The following SLC2A8 variants were observed in gnomAD, a reference collection of about 807,000 sequenced individuals.
The protein encoded by SLC2A8 is solute carrier family 2, facilitated glucose transporter member 8.
SLC2A8 carries 53 observed loss-of-function variants against 49.2 expected under a neutral mutation model. The ratio of observed to expected loss-of-function variants is 1.08; its 90% CI spans 0.86 to 1.35. SLC2A8 has a LOEUF of 1.35. Among genes scored for constraint, SLC2A8 ranks in the 40% most tolerant of loss-of-function variants. SLC2A8 has a pLI of 0.00. For synonymous variants in SLC2A8, 299 were observed against 297.0 expected, an observed-to-expected ratio of 1.01 and a Z score of -0.07; for missense variants, 688 against 671.7, an observed-to-expected ratio of 1.02 and a Z score of -0.27.
At position 127,407,467 on chromosome 9, in the gene SLC2A8, C is replaced by T; in HGVS notation, c.*218C>T. ...CTGCTGCTCTGAGGACTCAGGAACA[C>T]CTTCGAGCTTTGCAGACCTGCGGTC... On this transcript the variant is annotated 3_prime_UTR_variant, in exon 10 of 10. Coordinates refer to ENST00000373371, the MANE Select transcript of SLC2A8 (RefSeq NM_014580.5). 2 of 692,122 alleles carry T rather than the reference C, an allele frequency of 2.9e-6. No individual in the cohort carries two copies. The highest frequency in any genetic ancestry group is 1.5e-5 in the South Asian group (1 of 67,018). The allele number at this position is 692,122 out of a possible 1,614,324, so 42.9% of individuals were successfully genotyped here.
intron 3 of SLC2A8, chr9:127,398,392 A>G: frequency 1.3e-6 from 1 of 752,712 alleles, no homozygotes; most frequent in South Asian, 1.4e-5. Flanking sequence ...CAGTTGCAGG[A>G]ACCCAGGGTT....
chr9:127,399,924 C>T lies in SLC2A8; in HGVS notation c.444C>T (p.Ile148=), dbSNP rs563205733. ...SLVAPVYISE[I]AYPAVRGLLG... Reference sequence around the variant, plus strand: ...GCTGGCAGGTCTACATCTCCGAAATCGCCTACCCAGCAGTCCGGGGGTTGC... The same window carrying T: ...GCTGGCAGGTCTACATCTCCGAAATTGCCTACCCAGCAGTCCGGGGGTTGC... The change falls in exon 4 of 10, where the codon ATC becomes ATT. Residue 148 remains isoleucine (I), a synonymous_variant. Coordinates refer to ENST00000373371, the MANE Select transcript of SLC2A8 (RefSeq NM_014580.5). The surrounding 1 kb of genome is among the most constrained non-coding windows in gnomAD (Gnocchi z 4.2). 31 of 1,613,560 alleles carry T rather than the reference C, an allele frequency of 1.9e-5. No homozygotes were observed. The highest frequency in any genetic ancestry group is 2.5e-5 in the Non-Finnish European group (29 of 1,179,770).
chr9:127,402,480 T>G, intron 4 of SLC2A8, 77 bp from the exon 5 acceptor site: 1 of 1,432,706 alleles, frequency 7.0e-7, no homozygotes, highest in Non-Finnish European at 9.1e-7. Context: ...TCTCTGAAGC[T>G]GAGTCTTTGA....
chr9:127,397,565 C>T, intron 2 of SLC2A8, 27 bp downstream of exon 2: 1 of 1,380,762 alleles, frequency 7.2e-7, no homozygotes, highest in Non-Finnish European at 9.3e-7. Flanking sequence ...GCTCCTCCCG[C>T]CCTGGGACCC....
rs1398028225 is a variant in SLC2A8, at chr9:127,398,040, G to A, written c.355G>A (p.Asp119Asn). 6.3e-7 allele frequency: 1 copy of A among 1,586,268 alleles called. No individual in the cohort carries two copies. Among genetic ancestry groups the A allele is most frequent in the Non-Finnish European group, 8.5e-7 (1 of 1,172,958 alleles). Reference protein sequence around the residue: ...AGFAVITAAQDVWMLLGGRLL... With the variant: ...AGFAVITAAQNVWMLLGGRLL... Reference sequence around the variant, plus strand: ...CTTTGCCGTCATCACCGCGGCCCAGGACGTGTGGATGCTGCTGGGGGGCCG... The same window carrying A: ...CTTTGCCGTCATCACCGCGGCCCAGAACGTGTGGATGCTGCTGGGGGGCCG... The change falls in exon 3 of 10, where the codon GAC becomes AAC. Residue 119 changes from aspartate to asparagine, a missense_variant. Transcript: ENST00000373371.
In SLC2A8 at chr9:127,404,084, G is replaced by C; in HGVS notation, c.976+17G>C. On this transcript the variant is annotated intron_variant, in intron 7 of 9. Transcript: ENST00000373371. ...TCTTGTCAGGTGAGGGTTCACCCCT[G>C]TGCAGCCTCCCCGCCATGCGGGGGA... The C allele has an allele frequency of 6.5e-7, 1 of 1,541,004 alleles. No homozygotes were observed. Among genetic ancestry groups the C allele is most frequent in the Non-Finnish European group, 8.8e-7 (1 of 1,135,670 alleles).
At chr9:127,405,282 G>T in intron 8 of SLC2A8, 138 bp from the exon 9 acceptor site, 2 of 1,008,924 alleles carry the variant, frequency 2.0e-6, no homozygotes, top group Non-Finnish European at 1.4e-6. Flanking sequence ...AGGAAAGCAT[G>T]GAGCTGGTGG....
At chr9:127,400,715 G>C (rs577075531) in intron 4 of SLC2A8, among the ~76,000 whole-genome samples, 17 of 152,300 alleles carry the variant, frequency 1.1e-4, no homozygotes, top group African/African-American at 3.6e-4. Flanking sequence ...ACGTGAAGGA[G>C]GCCGGGGTCC....
At chr9:127,404,531 C>T in intron 7 of SLC2A8, 1 of 417,800 alleles carries the variant, frequency 2.4e-6, no homozygotes, top group East Asian at 4.2e-5. Context: ...CCAGCAGCTG[C>T]TGCGAAGACG....
chr9:127,398,282 T>G (rs748319172), intron 3 of SLC2A8, 171 bp downstream of exon 3: 4 of 798,926 alleles, frequency 5.0e-6, no homozygotes, highest in Non-Finnish European at 9.2e-6. Flanking sequence ...CTGGGAAGGA[T>G]CCTACTGTTC....
rs760385375 is a variant in SLC2A8 at position 127,404,260 on chromosome 9, C to T, written c.976+193C>T. 2.4e-5 allele frequency: 13 copies of T among 543,540 alleles called. 1 individual carries two copies. The highest frequency in any genetic ancestry group is 7.0e-5 in the South Asian group (3 of 42,740). 33.7% of individuals were successfully genotyped at this position (543,540 alleles called of 1,614,324 possible). Reference sequence around the variant, plus strand: ...CCATGCCAGTGGCACTCCCACACCACGCCTTTAACCTCTGTGGTGAACCCA... The same window carrying T: ...CCATGCCAGTGGCACTCCCACACCATGCCTTTAACCTCTGTGGTGAACCCA... On this transcript the variant is annotated intron_variant, in intron 7 of 9. Transcript: ENST00000373371.
chr9:127,406,424 C>T (rs1177491437), intron 9 of SLC2A8, among the ~76,000 whole-genome samples: 1 of 152,074 alleles, frequency 6.6e-6, no homozygotes, highest in African/African-American at 2.4e-5. Flanking sequence ...AGATTACTTG[C>T]TGCAGCTGGG....
intron 2 of SLC2A8, among the ~76,000 whole-genome samples, 155 bp downstream of exon 2, chr9:127,397,693 G>A (rs1833086272): frequency 6.6e-6 from 1 of 151,790 alleles, no homozygotes; most frequent in Non-Finnish European, 1.5e-5. Flanking sequence ...GGGCCTCTCT[G>A]CCCCCCATCC....
intron 8 of SLC2A8, 40 bp from the exon 9 acceptor site, chr9:127,405,380 G>A: frequency 6.2e-7 from 1 of 1,604,560 alleles, no homozygotes; most frequent in Non-Finnish European, 8.5e-7. Flanking sequence ...GCCCAGCCCT[G>A]CGGACCCTGA....
At chr9:127,403,589 T>G in intron 5 of SLC2A8, 71 bp from the exon 6 acceptor site, 1 of 1,586,258 alleles carries the variant, frequency 6.3e-7, no homozygotes, top group Non-Finnish European at 8.6e-7. Context: ...CTTAGGACAG[T>G]AGACCCCCAG....
rs920365750 is a variant in SLC2A8 at position 127,399,827 on chromosome 9, C to T, written c.427-80C>T. 80 of 1,221,252 alleles carry T rather than the reference C, an allele frequency of 6.6e-5. No individual in the cohort carries two copies. Among genetic ancestry groups the T allele is most frequent in the Non-Finnish European group, 8.8e-5 (74 of 838,182 alleles). The allele number at this position is 1,221,252 out of a possible 1,614,324, so 75.7% of individuals were successfully genotyped here. ...AACTCCCAACCTCTGGTGATCTGCC[C>T]GCCTCGGCCTCCCAGAGTGCTGGGA... On this transcript the variant is annotated intron_variant, in intron 3 of 9. Coordinates refer to ENST00000373371, the MANE Select transcript of SLC2A8 (RefSeq NM_014580.5). This position sits in a 1 kb window ranked among gnomAD's most constrained non-coding sequence, Gnocchi z 4.2.
In SLC2A8 at chr9:127,397,935, G is replaced by A; in HGVS notation, c.250G>A (p.Gly84Arg). ...CGTGACCCTGGGTGCCGCGGCGGGG[G>A]GAGTGCTGGGCGGCTGGCTGGTGGA... ...AVVTLGAAAGGVLGGWLVDRA... is the reference protein window; with the variant it reads ...AVVTLGAAAGRVLGGWLVDRA... Residue 84 changes from glycine to arginine, a missense_variant, in exon 3 of 10, where the codon GGA becomes AGA. Transcript: ENST00000373371. The A allele has an allele frequency of 6.5e-7, 1 of 1,531,884 alleles. No individual in the cohort carries two copies. The highest frequency in any genetic ancestry group is 2.0e-5 in the Admixed American group (1 of 50,888). The allele number at this position is 1,531,884 out of a possible 1,614,324, so 94.9% of individuals were successfully genotyped here. A position where few individuals can be genotyped will look rare whatever the true frequency, so the allele number is the denominator to read the frequency against.
chr9:127,407,083 T>C, intron 9 of SLC2A8, 29 bp from the exon 10 acceptor site: 2 of 1,611,118 alleles, frequency 1.2e-6, no homozygotes, highest in Middle Eastern at 2.0e-4. Flanking sequence ...TCTCCCCGCG[T>C]CCACCCATGG....
At chr9:127,406,177 C>T in intron 9 of SLC2A8, 1 of 454,408 alleles carries the variant, frequency 2.2e-6, no homozygotes, top group Non-Finnish European at 4.4e-6. Context: ...TGTGCCATGT[C>T]CAGGCCCATT....
Sources: gnomAD v4.1 joint callset for allele counts (sites outside exome capture counted in the v4.1 genomes callset) on GRCh38, gnomAD v4.1.1 for gene constraint, Gnocchi (gnomAD v3.1) non-coding constraint, MANE v1.5 for transcripts, NCBI Gene and HGNC (gene_info 2026-07-23, HGNC 2026-07-21) for gene names.